The following TRAK1 variants were observed in gnomAD, a reference collection of about 807,000 sequenced individuals.
TRAK1 encodes the protein trafficking kinesin protein 1, also known as trafficking kinesin-binding protein 1.
TRAK1 carries 33 observed loss-of-function variants against 92.1 expected under a neutral mutation model. The ratio of observed to expected loss-of-function variants is 0.36; its 90% CI spans 0.27 to 0.48. The LOEUF is 0.48. TRAK1 is among the 20% of genes least tolerant of loss of function. TRAK1 has a pLI of 0.99. For synonymous variants in TRAK1, 521 were observed against 517.3 expected (o/e 1.01, Z -0.10); for missense variants, 1,123 against 1,257.9 (o/e 0.89, Z 1.62).
chr3:42,190,004 C>T (rs534882552), intron 6 of TRAK1, among the ~76,000 whole-genome samples: 3 of 152,176 alleles, frequency 2.0e-5, no homozygotes, highest in South Asian at 2.1e-4. Context: ...CTCATTGGAA[C>T]GGTGGGCCCC....
At chr3:42,159,979 C>T (rs952702224) in intron 2 of TRAK1, among the ~76,000 whole-genome samples, 1 of 152,222 alleles carries the variant, frequency 6.6e-6, no homozygotes, top group African/African-American at 2.4e-5. Context: ...TACCACTCCT[C>T]ATTGCTGCTG....
At chr3:42,191,918 T>TTTTTTTG (rs1705808003) in intron 7 of TRAK1, among the ~76,000 whole-genome samples, 1 of 146,548 alleles carries the variant, frequency 6.8e-6, no homozygotes, top group Non-Finnish European at 1.5e-5. Context: ...TTTTTTTTTT[T>TTTTTTTG]GAGACAGAGT....
At chr3:42,178,341 A>G (rs1703497653) in intron 3 of TRAK1, among the ~76,000 whole-genome samples, 3 of 151,930 alleles carry the variant, frequency 2.0e-5, no homozygotes, top group Non-Finnish European at 2.9e-5. Context: ...AAGGCCACCC[A>G]TTGCTCAAGG....
intron 2 of TRAK1, chr3:42,160,117 A>G (rs9757367): frequency 0.8 from 654,569 of 813,866 alleles, 255,404 homozygotes; most frequent in East Asian, 0.98. Context: ...GCTCCACCCC[A>G]CCCCGCCCCT....
chr3:42,219,784 G>C (rs1577070445), intron 15 of TRAK1, among the ~76,000 whole-genome samples, 188 bp downstream of exon 15: 1 of 80,976 alleles, frequency 1.2e-5, no homozygotes, highest in African/African-American at 5.9e-5. Flanking sequence ...TTGTTGTTAT[G>C]TGTTTTTTTT....
At chr3:42,160,257 T>C in intron 2 of TRAK1, 1 of 1,543,334 alleles carries the variant, frequency 6.5e-7, no homozygotes, top group Non-Finnish European at 8.7e-7. Context: ...GCGCAGTGTG[T>C]GCCCTGGGGG....
intron 1 of TRAK1, among the ~76,000 whole-genome samples, chr3:42,113,381 CCTACCCCTACCCCTACCT>C (rs140354415): frequency 0.46 from 58,820 of 127,588 alleles, 13,425 homozygotes; most frequent in South Asian, 0.6. Flanking sequence ...TACCCCTACC[CCTACCCCTACCCCTACCT>C]CTACCCCTAC....
intron 14 of TRAK1, chr3:42,218,164 A>C: frequency 1.0e-6 from 1 of 985,314 alleles, no homozygotes; most frequent in Non-Finnish European, 1.2e-6. Context: ...GCCTACCTTT[A>C]ATCTGTGTCT....
intron 1 of TRAK1, among the ~76,000 whole-genome samples, chr3:42,113,168 C>A (rs1255931935): frequency 6.6e-6 from 1 of 152,176 alleles, no homozygotes; most frequent in East Asian, 1.9e-4. Context: ...ATCAGTTAAG[C>A]CCAGTTCAAG....
At chr3:42,106,027 C>G (rs1300193532) in intron 1 of TRAK1, among the ~76,000 whole-genome samples, 2 of 152,182 alleles carry the variant, frequency 1.3e-5, no homozygotes, top group Non-Finnish European at 2.9e-5. Context: ...AAGCACTAAA[C>G]ATGGAAAGGA....
intron 1 of TRAK1, among the ~76,000 whole-genome samples, chr3:42,058,732 TTGG>T (rs1185284575): frequency 6.6e-6 from 1 of 152,206 alleles, no homozygotes; most frequent in East Asian, 1.9e-4. Context: ...TGCCCATTGT[TTGG>T]TGGCCCATTT....
chr3:42,107,799 A>G (rs1337725421), intron 1 of TRAK1, among the ~76,000 whole-genome samples: 1 of 151,898 alleles, frequency 6.6e-6, no homozygotes, highest in African/African-American at 2.4e-5. Flanking sequence ...GCTTCACATT[A>G]TAGAATTTAT....
Position 42,125,431 on chromosome 3 carries a change from A to G in TRAK1, c.103A>G (p.Ser35Gly). ...IRTNACDVCN[S>G]TDLPEVEIIS... ...TGTCTTGTCTTTAGATGTGTGCAAC[A>G]GCACCGATCTTCCGGAAGTCGAGAT... The change falls in exon 2 of 16, where the codon AGC (serine) becomes GGC (glycine). Residue 35 changes from serine to glycine, a missense_variant. Coordinates refer to ENST00000327628, the MANE Select transcript of TRAK1 (RefSeq NM_001042646.3). 1 of 1,614,142 alleles carries G rather than the reference A, an allele frequency of 6.2e-7. No individual in the cohort carries two copies. The highest frequency in any genetic ancestry group is 8.5e-7 in the Non-Finnish European group (1 of 1,180,010).
chr3:42,035,002 TCTC>T (rs1286966191), intron 1 of TRAK1, among the ~76,000 whole-genome samples: 1 of 152,184 alleles, frequency 6.6e-6, no homozygotes, highest in Non-Finnish European at 1.5e-5. Context: ...CCATTGCTCT[TCTC>T]CTACTTCATT....
At chr3:42,058,191 A>G (rs1318222230) in intron 1 of TRAK1, among the ~76,000 whole-genome samples, 1 of 152,214 alleles carries the variant, frequency 6.6e-6, no homozygotes, top group Non-Finnish European at 1.5e-5. Flanking sequence ...AAATATAGAT[A>G]ATACTCATGT....
chr3:42,104,633 CCTGA>C (rs1160614441), intron 1 of TRAK1, among the ~76,000 whole-genome samples: 5 of 152,234 alleles, frequency 3.3e-5, no homozygotes, highest in African/African-American at 1.2e-4. Flanking sequence ...AGCTGAGGGT[CCTGA>C]CTGTTAGAAG....
intron 2 of TRAK1, among the ~76,000 whole-genome samples, chr3:42,162,639 A>T (rs1701401367): frequency 6.6e-6 from 1 of 152,204 alleles, no homozygotes; most frequent in South Asian, 2.1e-4. Flanking sequence ...GCAGTTGAGC[A>T]GTAGGGAGAA....
chr3:42,089,989 C>G (rs150134226), upstream of TRAK1, among the ~76,000 whole-genome samples: 10 of 152,316 alleles, frequency 6.6e-5, no homozygotes, highest in East Asian at 1.9e-3. Flanking sequence ...AAAGGTTCAG[C>G]ACCTTGGTGA....
At chr3:42,040,020 G>A (rs529145735) in intron 1 of TRAK1, among the ~76,000 whole-genome samples, 35 of 151,870 alleles carry the variant, frequency 2.3e-4, no homozygotes, top group Middle Eastern at 3.4e-3. Flanking sequence ...TATCTTTGGA[G>A]AAATGTCTAT....
Sources: gnomAD v4.1 joint callset for allele counts (sites outside exome capture counted in the v4.1 genomes callset) on GRCh38, gnomAD v4.1.1 for gene constraint, MANE v1.5 for transcripts, NCBI Gene and HGNC (gene_info 2026-07-23, HGNC 2026-07-21) for gene names.